Variants in CD96 observed in about 807,000 individuals in gnomAD.
CD96 encodes the protein CD96 molecule, also known as T-cell surface protein tactile.
Under a neutral mutation model 71.3 loss-of-function variants are expected in CD96, and 70 were observed. The observed-to-expected ratio is 0.98, with a 90% confidence interval of 0.81 to 1.20. The LOEUF (loss-of-function observed/expected upper bound fraction) is 1.20. Ranked by LOEUF, CD96 falls within the 50% of genes most tolerant of loss-of-function variation. The pLI, the probability that CD96 is intolerant of heterozygous loss-of-function variation, is 0.00. For synonymous variants in CD96, 248 were observed against 233.0 expected, an observed-to-expected ratio of 1.06 and a Z score of -0.59; for missense variants, 742 against 677.5, an observed-to-expected ratio of 1.10 and a Z score of -1.06.
intron 8 of CD96, among the ~76,000 whole-genome samples, chr3:111,620,163 T>C (rs1225031482): frequency 1.3e-5 from 2 of 152,190 alleles, no homozygotes; most frequent in Admixed American, 1.3e-4. Flanking sequence ...TTGGGAAAGC[T>C]TTCCTGGGAT....
chr3:111,643,070 T>TAAA (rs201908883), intron 12 of CD96, among the ~76,000 whole-genome samples: 5 of 94,350 alleles, frequency 5.3e-5, no homozygotes, highest in Non-Finnish European at 8.7e-5. Context: ...CCAAAATCCT[T>TAAA]AAAAAAAAAA....
intron 10 of CD96, among the ~76,000 whole-genome samples, chr3:111,635,516 T>C (rs1939285270): frequency 6.6e-6 from 1 of 152,224 alleles, no homozygotes; most frequent in Non-Finnish European, 1.5e-5. Flanking sequence ...ATGTTTGTAA[T>C]TTGTAATTGT....
intron 8 of CD96, among the ~76,000 whole-genome samples, chr3:111,617,460 G>A (rs73852840): frequency 0.029 from 4,453 of 152,262 alleles, 216 homozygotes; most frequent in African/African-American, 0.1. Flanking sequence ...ATGAAAAACC[G>A]GGGATTCAGC....
chr3:111,547,574 A>G (rs1264010291), intron 2 of CD96, among the ~76,000 whole-genome samples: 2 of 152,222 alleles, frequency 1.3e-5, no homozygotes, highest in East Asian at 3.8e-4. Context: ...GAGAACAGAT[A>G]GTATATTATC....
Position 111,600,791 on chromosome 3 carries a change from A to G in CD96, c.964A>G (p.Thr322Ala). 6.2e-7 allele frequency: 1 copy of G among 1,613,514 alleles called. No homozygotes were observed. Among genetic ancestry groups the G allele is most frequent in the East Asian group, 2.2e-5 (1 of 44,856 alleles). ...ATTTTTGGAACTGAAGTCTGTTTTAACAAGGGTACATAGTAATAAACCAGC... is the reference window on the plus strand; with the variant it reads ...ATTTTTGGAACTGAAGTCTGTTTTAGCAAGGGTACATAGTAATAAACCAGC... ...DGFLELKSVL[T>A]RVHSNKPAQS... Residue 322 changes from threonine (T) to alanine (A), a missense_variant, in exon 7 of 14, where the codon ACA becomes GCA. Thr to Ala is a moderately conservative substitution (Grantham distance 58). Transcript: ENST00000352690.
intron 14 of CD96, among the ~76,000 whole-genome samples, chr3:111,663,996 T>C (rs1215263962): frequency 2.0e-5 from 3 of 152,162 alleles, no homozygotes; most frequent in African/African-American, 4.8e-5. Flanking sequence ...GTGATCTTCC[T>C]GCCTCAGCCT....
downstream of CD96, chr3:111,652,431 G>A (rs1479669338): frequency 1.3e-5 from 2 of 151,956 alleles, no homozygotes; most frequent in Admixed American, 6.6e-5. Context: ...AGAAAGTGGG[G>A]GTAGGGAGTG....
intron 10 of CD96, 67 bp downstream of exon 10, chr3:111,624,471 A>G: frequency 1.1e-6 from 1 of 879,236 alleles, no homozygotes; most frequent in Non-Finnish European, 2.0e-6. Context: ...GATATATTGA[A>G]CGACATCTAT....
At chr3:111,656,361 G>A (rs13326641), downstream of CD96, among the ~76,000 whole-genome samples, 3,896 of 152,228 alleles carry the variant, frequency 0.026, 161 homozygotes, top group African/African-American at 0.086. Context: ...AATATTGTCC[G>A]TTATCAAGGC....
intron 10 of CD96, 106 bp downstream of exon 10, chr3:111,624,510 T>A (rs1476948047): frequency 6.5e-6 from 5 of 768,168 alleles, no homozygotes; most frequent in Non-Finnish European, 9.4e-6. Flanking sequence ...TATTTGCAAA[T>A]GTTCACAAAG....
intron 14 of CD96, among the ~76,000 whole-genome samples, chr3:111,663,387 C>A (rs779720836): frequency 4.0e-5 from 6 of 150,382 alleles, no homozygotes; most frequent in Non-Finnish European, 7.4e-5. Flanking sequence ...TGGTTAAGTC[C>A]CCAAAAGCAA....
At chr3:111,549,989 G>GA (rs2107477256) in intron 2 of CD96, among the ~76,000 whole-genome samples, 2 of 152,200 alleles carry the variant, frequency 1.3e-5, no homozygotes, top group African/African-American at 4.8e-5. Flanking sequence ...TCTAGGAAGA[G>GA]AAAATCAAGC....
chr3:111,544,929 G>C (rs973257566), intron 1 of CD96, 117 bp from the exon 2 acceptor site: 2 of 828,152 alleles, frequency 2.4e-6, no homozygotes, highest in African/African-American at 3.3e-5. Context: ...TCCTAAAGCA[G>C]CCAGGGAGAA....
At chr3:111,661,543 G>A (rs1474791707) in intron 14 of CD96, among the ~76,000 whole-genome samples, 1 of 152,214 alleles carries the variant, frequency 6.6e-6, no homozygotes, top group East Asian at 1.9e-4. Context: ...GATACAATGA[G>A]GGTACAGATG....
At position 111,600,931 on chromosome 3, in the gene CD96, A is replaced by G; in HGVS notation, c.1087+17A>G. 1 of 1,514,696 alleles carries G rather than the reference A, an allele frequency of 6.6e-7. No individual in the cohort carries two copies. Among genetic ancestry groups the G allele is most frequent in the Non-Finnish European group, 9.2e-7 (1 of 1,089,948 alleles). The allele number at this position is 1,514,696 out of a possible 1,614,324, so 93.8% of individuals were successfully genotyped here. On this transcript the variant is annotated intron_variant, in intron 7 of 13. Coordinates refer to ENST00000352690, the MANE Select transcript of CD96 (RefSeq NM_005816.5). ...TTCTCTTAGGTGAGTTGTCTATTTA[A>G]TAAGATCAACAAGAGTTTGCTAAGA...
At chr3:111,635,303 CAT>C (rs1939274552) in intron 10 of CD96, among the ~76,000 whole-genome samples, 1 of 152,192 alleles carries the variant, frequency 6.6e-6, no homozygotes, top group African/African-American at 2.4e-5. Context: ...CTTCCCACTA[CAT>C]GTTATTAACA....
At chr3:111,543,476 T>C (rs1934213737) in intron 1 of CD96, among the ~76,000 whole-genome samples, 1 of 152,172 alleles carries the variant, frequency 6.6e-6, no homozygotes, top group South Asian at 2.1e-4. Context: ...GTCCTTTCAA[T>C]CCTTGTATAT....
intron 11 of CD96, 107 bp from the exon 12 acceptor site, chr3:111,637,972 A>C (rs1411694805): frequency 1.3e-6 from 1 of 775,804 alleles, no homozygotes; most frequent in Admixed American, 1.7e-5. Flanking sequence ...GGATACTTAG[A>C]CAATTTAAAT....
At chr3:111,567,751 G>A (rs1935788926) in intron 3 of CD96, 104 bp downstream of exon 3, 1 of 1,073,514 alleles carries the variant, frequency 9.3e-7, no homozygotes, top group South Asian at 1.3e-5. Flanking sequence ...CAAATAACAG[G>A]CAGGCATTAT....
Sources: allele counts gnomAD v4.1 joint callset (sites outside exome capture counted in the v4.1 genomes callset), GRCh38; gene constraint gnomAD v4.1.1; transcripts MANE v1.5; gene names NCBI Gene and HGNC (gene_info 2026-07-23, HGNC 2026-07-21).